Variants in NCAM1 observed in about 807,000 individuals in gnomAD.
NCAM1 encodes the protein antigen recognized by monoclonal antibody 5.1H11.
Under a neutral mutation model 109.8 loss-of-function variants are expected in NCAM1, and 14 were observed. That is an observed-to-expected ratio of 0.13 (90% CI 0.08 to 0.20). The LOEUF is 0.20. NCAM1 is among the 10% of genes least tolerant of loss of function. The pLI is 1.00. For missense variants in NCAM1, 774 were observed against 1,109.9 expected (o/e 0.70, Z 4.30); for synonymous variants, 418 against 442.9 (o/e 0.94, Z 0.70).
At chr11:113,240,726 C>A in intron 14 of NCAM1, 1 of 1,504,384 alleles carries the variant, frequency 6.6e-7, no homozygotes, top group Non-Finnish European at 9.2e-7. Context: ...ATTTTTTTTT[C>A]ATTCAGTATC....
intron 1 of NCAM1, among the ~76,000 whole-genome samples, chr11:113,167,762 G>A (rs539497469): frequency 3.5e-4 from 53 of 152,210 alleles, no homozygotes; most frequent in East Asian, 7.7e-4. Flanking sequence ...AAATGTGAGC[G>A]GCACTTAATT....
intron 9 of NCAM1, among the ~76,000 whole-genome samples, chr11:113,222,206 G>A (rs1332719106): frequency 1.3e-5 from 2 of 151,988 alleles, no homozygotes; most frequent in African/African-American, 4.8e-5. Context: ...ATCCAGATGG[G>A]GCTTTGATCG....
At chr11:113,023,432 A>G (rs1225523227) in intron 1 of NCAM1, among the ~76,000 whole-genome samples, 1 of 152,214 alleles carries the variant, frequency 6.6e-6, no homozygotes, top group Non-Finnish European at 1.5e-5. Flanking sequence ...AGCACTTCCC[A>G]AGGAAGTTAC....
chr11:113,096,379 G>A (rs1939597447), intron 1 of NCAM1, among the ~76,000 whole-genome samples: 1 of 152,202 alleles, frequency 6.6e-6, no homozygotes, highest in African/African-American at 2.4e-5. Flanking sequence ...GCAGAATAAA[G>A]GAGAGAGAAT....
At chr11:113,180,260 A>G (rs1317103994) in intron 1 of NCAM1, among the ~76,000 whole-genome samples, 2 of 152,196 alleles carry the variant, frequency 1.3e-5, no homozygotes, top group Non-Finnish European at 2.9e-5. Context: ...TGTCTGGAAG[A>G]GGCTTATAGT....
At chr11:113,195,330 T>G (rs894446254) in intron 1 of NCAM1, among the ~76,000 whole-genome samples, 2 of 152,092 alleles carry the variant, frequency 1.3e-5, no homozygotes, top group Admixed American at 1.3e-4. Context: ...ATACATTTAC[T>G]TATGTCCAGC....
intron 1 of NCAM1, among the ~76,000 whole-genome samples, chr11:113,005,828 C>T (rs1951880541): frequency 6.6e-6 from 1 of 152,194 alleles, no homozygotes; most frequent in African/African-American, 2.4e-5. Flanking sequence ...GTCTTTCAAG[C>T]ACATTAAAAC....
Position 113,273,107 on chromosome 11 carries a change from A to G in NCAM1, c.2456+1231A>G, listed in dbSNP as rs1946320126. 1 of 455,528 alleles carries G rather than the reference A, an allele frequency of 2.2e-6. No individual in the cohort carries two copies. Among genetic ancestry groups the G allele is most frequent in the African/African-American group, 2.0e-5 (1 of 49,932 alleles). 28.2% of individuals were successfully genotyped at this position (455,528 alleles called of 1,614,324 possible). ...CGCCGGCCACGGCCACGCCTGACTC[A>G]AACTCTGTACCGGCTGGCCAGGCCA... On this transcript the variant is annotated intron_variant, in intron 19 of 19. Coordinates refer to ENST00000316851, the MANE Select transcript of NCAM1 (RefSeq NM_181351.5). This position sits in a 1 kb window ranked among gnomAD's most constrained non-coding sequence, Gnocchi z 6.0.
chr11:113,160,400 A>C (rs1942563074), intron 1 of NCAM1, among the ~76,000 whole-genome samples: 1 of 152,158 alleles, frequency 6.6e-6, no homozygotes, highest in Non-Finnish European at 1.5e-5. Flanking sequence ...ATGAAGTCCG[A>C]GGGCCCCTTT....
At chr11:113,263,938 C>G (rs1301576873) in intron 17 of NCAM1, 1 of 985,378 alleles carries the variant, frequency 1.0e-6, no homozygotes, top group Admixed American at 6.1e-5. Flanking sequence ...AATGCCCCAG[C>G]CTCTGTATTG....
intron 1 of NCAM1, among the ~76,000 whole-genome samples, chr11:113,101,451 G>A (rs1211268280): frequency 6.6e-6 from 1 of 151,986 alleles, no homozygotes; most frequent in East Asian, 1.9e-4. Flanking sequence ...ATTTAACTTT[G>A]CTCTTCTATG....
intron 9 of NCAM1, among the ~76,000 whole-genome samples, chr11:113,223,376 G>T (rs1378463232): frequency 6.6e-6 from 1 of 152,056 alleles, no homozygotes; most frequent in Non-Finnish European, 1.5e-5. Context: ...ATTCTCTTTA[G>T]AAGGCTGGTC....
intron 1 of NCAM1, among the ~76,000 whole-genome samples, chr11:112,989,378 C>T (rs1555070233): frequency 1.3e-5 from 2 of 152,140 alleles, no homozygotes; most frequent in Non-Finnish European, 1.5e-5. Flanking sequence ...CTTTCTTCTG[C>T]ATGATTGAGT....
At chr11:113,136,942 A>C (rs1219210775) in intron 1 of NCAM1, among the ~76,000 whole-genome samples, 1 of 152,212 alleles carries the variant, frequency 6.6e-6, no homozygotes, top group Non-Finnish European at 1.5e-5. Flanking sequence ...GGGGAAGGCC[A>C]AGGCTGACAC....
At chr11:112,990,531 A>G (rs1951430288) in intron 1 of NCAM1, among the ~76,000 whole-genome samples, 1 of 152,076 alleles carries the variant, frequency 6.6e-6, no homozygotes, top group African/African-American at 2.4e-5. Flanking sequence ...GGGGACTTAG[A>G]GAGATATATT....
intron 1 of NCAM1, among the ~76,000 whole-genome samples, chr11:113,083,707 C>A (rs1938950846): frequency 6.6e-6 from 1 of 152,160 alleles, no homozygotes; most frequent in South Asian, 2.1e-4. Flanking sequence ...GCAGATTCTG[C>A]AAGTCCAGAG....
At position 113,202,331 on chromosome 11, in the gene NCAM1, G is replaced by GT. The variant is rs781907852; in HGVS notation, c.53-48_53-47insT. On this transcript the variant is annotated intron_variant, in intron 1 of 19. Transcript: ENST00000316851. ...ATGTACGTTTGAACTGAACTTTGTGGGTTTTTTTTTGTTTTTTGTTTTGTT... is the reference window on the plus strand; with the variant it reads ...ATGTACGTTTGAACTGAACTTTGTGGTGTTTTTTTTTGTTTTTTGTTTTGTT... 1,523 of 1,298,626 alleles carry GT rather than the reference G, an allele frequency of 1.2e-3. 15 individuals carry two copies. In the African/African-American group the frequency reaches 0.02, roughly 17 times the overall value. 80.4% of individuals were successfully genotyped at this position (1,298,626 alleles called of 1,614,324 possible). A position where few individuals can be genotyped will look rare whatever the true frequency, so the allele number is the denominator to read the frequency against.
At chr11:113,128,757 G>C (rs1555097666) in intron 1 of NCAM1, among the ~76,000 whole-genome samples, 1 of 152,162 alleles carries the variant, frequency 6.6e-6, no homozygotes, top group Non-Finnish European at 1.5e-5. Flanking sequence ...ATTCCAAAGA[G>C]GAAGGAATGA....
At chr11:113,191,309 A>G (rs1401079948) in intron 1 of NCAM1, among the ~76,000 whole-genome samples, 2 of 152,168 alleles carry the variant, frequency 1.3e-5, no homozygotes, top group Non-Finnish European at 2.9e-5. Context: ...AGGTGGGCTC[A>G]GGAATTCCAG....
Sources: allele counts gnomAD v4.1 joint callset (sites outside exome capture counted in the v4.1 genomes callset), GRCh38; gene constraint gnomAD v4.1.1; non-coding constraint Gnocchi (gnomAD v3.1); transcripts MANE v1.5; gene names NCBI Gene and HGNC (gene_info 2026-07-23, HGNC 2026-07-21).